The following FIG4 variants were observed in gnomAD, a reference collection of about 807,000 sequenced individuals.
FIG4 encodes polyphosphoinositide phosphatase.
In FIG4, 112 loss-of-function variants were observed where a neutral mutation model predicts 118.6. The ratio of observed to expected loss-of-function variants is 0.94; its 90% CI spans 0.81 to 1.11. The LOEUF (loss-of-function observed/expected upper bound fraction) is 1.11. Ranked by LOEUF, FIG4 falls within the 50% of genes least tolerant of loss-of-function variation. The pLI is 0.00. For synonymous variants in FIG4, 369 were observed against 381.2 expected (o/e 0.97, Z 0.37); for missense variants, 969 against 1,111.7 (o/e 0.87, Z 1.83).
At chr6:109,740,129 G>GT (rs1159895370) in intron 7 of FIG4, among the ~76,000 whole-genome samples, 1 of 152,052 alleles carries the variant, frequency 6.6e-6, no homozygotes, top group African/African-American at 2.4e-5. Flanking sequence ...AAGAACACAG[G>GT]TTTTTCACCA....
chr6:109,766,127 G>T (rs1777271735), intron 14 of FIG4, among the ~76,000 whole-genome samples: 1 of 152,180 alleles, frequency 6.6e-6, no homozygotes, highest in Non-Finnish European at 1.5e-5. Context: ...ACTGGGATTA[G>T]TGTCCTTATT....
chr6:109,729,356 A>G (rs939999107), intron 4 of FIG4, among the ~76,000 whole-genome samples: 1 of 152,198 alleles, frequency 6.6e-6, no homozygotes, highest in Non-Finnish European at 1.5e-5. Context: ...TTAAAAACCT[A>G]TATCCAAAAT....
At position 109,791,379 on chromosome 6, in the gene FIG4, C is replaced by A; in HGVS notation, c.2184C>A (p.Asn728Lys). 6.2e-7 allele frequency: 1 copy of A among 1,612,194 alleles called. No homozygotes were observed. Among genetic ancestry groups the A allele is most frequent in the Non-Finnish European group, 8.5e-7 (1 of 1,179,670 alleles). The change falls in exon 20 of 23, where the codon AAC becomes AAA. Residue 728 changes from asparagine to lysine, a missense_variant. This residue lies in a region of FIG4 where 330 missense variants were observed against 348.1 expected (regional missense o/e 0.95). Coordinates refer to ENST00000230124, the MANE Select transcript of FIG4 (RefSeq NM_014845.6). The stretch of plus-strand genomic sequence containing the variant: ...TTCCATATTATTCTTTTAAAAGAAA[C>A]AAAAGCAATAGAGAAGAAGCTGTAT... ...PDETGKSVLG[N>K]KSNREEAVLQ...
At chr6:109,800,714 C>G in intron 22 of FIG4, among the ~76,000 whole-genome samples, 1 of 152,144 alleles carries the variant, frequency 6.6e-6, no homozygotes, top group East Asian at 1.9e-4. Flanking sequence ...ATGCTCCCTC[C>G]ATGTCCCACT....
intron 3 of FIG4, among the ~76,000 whole-genome samples, chr6:109,721,243 G>A (rs1407678205): frequency 3.9e-5 from 6 of 152,104 alleles, no homozygotes; most frequent in Admixed American, 3.3e-4. Context: ...GACTAGTTAG[G>A]GGGCAGTATG....
intron 10 of FIG4, among the ~76,000 whole-genome samples, chr6:109,746,566 G>A (rs1776504691): frequency 6.6e-6 from 1 of 152,100 alleles, no homozygotes; most frequent in Admixed American, 6.6e-5. Context: ...CTGGGGCCCA[G>A]AGGGTGAGGA....
chr6:109,769,845 G>A (rs1023047971), intron 15 of FIG4, among the ~76,000 whole-genome samples: 4 of 152,194 alleles, frequency 2.6e-5, no homozygotes, highest in African/African-American at 9.6e-5. Flanking sequence ...CCTGAGCCCA[G>A]GAGTTCGAGG....
rs1484833335 is a variant in FIG4 at position 109,791,527 on chromosome 6, C to T, written c.2332C>T (p.Pro778Ser). The change falls in exon 20 of 23, where the codon CCC becomes TCC. Residue 778 changes from proline (P) to serine (S), a missense_variant. Pro to Ser is a moderately conservative substitution (Grantham distance 74, BLOSUM62 -1). Coordinates refer to ENST00000230124, the MANE Select transcript of FIG4 (RefSeq NM_014845.6). ...EEGSVSQRST[P>S]VKMTDAGDSA... Reference sequence around the variant, plus strand: ...GGGCTCTGTGTCTCAGCGCTCCACTCCCGTGAAGATGACTGATGCAGGAGA... The same window carrying T: ...GGGCTCTGTGTCTCAGCGCTCCACTTCCGTGAAGATGACTGATGCAGGAGA... The T allele has an allele frequency of 6.2e-7, 1 of 1,614,008 alleles. No individual in the cohort carries two copies.
intron 10 of FIG4, among the ~76,000 whole-genome samples, chr6:109,750,858 A>G (rs1776673577): frequency 2.0e-5 from 3 of 152,184 alleles, no homozygotes; most frequent in Admixed American, 2.0e-4. Flanking sequence ...TGATATAAGC[A>G]TTTCAAAAAG....
intron 4 of FIG4, among the ~76,000 whole-genome samples, chr6:109,731,579 A>G (rs768286100): frequency 2.6e-5 from 4 of 152,222 alleles, no homozygotes; most frequent in African/African-American, 4.8e-5. Context: ...GAACATGTAC[A>G]GATGTTTTTC....
intron 1 of FIG4, among the ~76,000 whole-genome samples, chr6:109,707,817 A>T (rs560980279): frequency 1.8e-3 from 273 of 152,224 alleles, no homozygotes; most frequent in African/African-American, 6.4e-3. Flanking sequence ...GCAATGTTTA[A>T]AAAGTGTCAC....
intron 1 of FIG4, among the ~76,000 whole-genome samples, chr6:109,712,961 A>G (rs1775312780): frequency 6.6e-6 from 1 of 152,020 alleles, no homozygotes; most frequent in African/African-American, 2.4e-5. Context: ...GATCAGGTGG[A>G]TTCAGTCGAC....
intron 17 of FIG4, 180 bp from the exon 18 acceptor site, chr6:109,786,122 T>C (rs1777947587): frequency 1.7e-6 from 1 of 602,990 alleles, no homozygotes. Flanking sequence ...GTATTTTCTA[T>C]GCATCTATCT....
At chr6:109,726,368 A>G (rs909233471) in intron 3 of FIG4, among the ~76,000 whole-genome samples, 7 of 152,174 alleles carry the variant, frequency 4.6e-5, no homozygotes, top group Non-Finnish European at 5.9e-5. Flanking sequence ...TCCTTTCCCC[A>G]TTGCTTGTTT....
At chr6:109,816,673 A>G (rs78654288) in intron 22 of FIG4, among the ~76,000 whole-genome samples, 2,732 of 152,262 alleles carry the variant, frequency 0.018, 52 homozygotes, top group Middle Eastern at 0.037. Context: ...ATTAAACAAC[A>G]TGGAATATGT....
intron 21 of FIG4, among the ~76,000 whole-genome samples, chr6:109,793,137 C>T (rs1562687850): frequency 6.6e-6 from 1 of 152,176 alleles, no homozygotes; most frequent in South Asian, 2.1e-4. Flanking sequence ...AGACTCTGCC[C>T]CTCAATGATA....
In FIG4 at chr6:109,712,988, A is replaced by C. The variant is rs544022072; in HGVS notation, c.67-2090A>C. On this transcript the variant is annotated intron_variant, in intron 1 of 22. Coordinates refer to ENST00000230124, the MANE Select transcript of FIG4 (RefSeq NM_014845.6). The stretch of plus-strand genomic sequence containing the variant: ...TCAGTCGACAGGTATTGTTTCTGGA[A>C]GATTATAGGGGGCCAACGTTCAGCT... Among the ~76,000 whole-genome samples the C allele has an allele frequency of 6.6e-5, 10 of 152,126 alleles. No homozygotes were observed. The East Asian group carries it at 1.5e-3, about 24-fold the overall frequency.
intron 15 of FIG4, among the ~76,000 whole-genome samples, chr6:109,775,327 G>A (rs144339127): frequency 6.6e-6 from 1 of 152,182 alleles, no homozygotes. Context: ...TGTATTTTCA[G>A]TTGCAGCAGC....
At chr6:109,804,353 C>T (rs191246564) in intron 22 of FIG4, among the ~76,000 whole-genome samples, 150 of 151,578 alleles carry the variant, frequency 9.9e-4, no homozygotes, top group Non-Finnish European at 1.8e-3. Flanking sequence ...GCTGTGTCAC[C>T]GTGGCTTCCT....
Sources: gnomAD v4.1 joint callset for allele counts (sites outside exome capture counted in the v4.1 genomes callset) on GRCh38, gnomAD v4.1.1 for gene constraint, gnomAD v4.1.1 regional missense constraint, MANE v1.5 for transcripts, NCBI Gene and HGNC (gene_info 2026-07-23, HGNC 2026-07-21) for gene names.